Variants in CLVS1 observed in about 807,000 individuals in gnomAD.
The protein encoded by CLVS1 is clavesin 1.
CLVS1 carries 10 observed loss-of-function variants against 33.1 expected under a neutral mutation model. The observed-to-expected ratio is 0.30, with a 90% CI of 0.19 to 0.51. The LOEUF is 0.51. Among genes scored for constraint, CLVS1 ranks in the 20% least tolerant of loss-of-function variants. CLVS1 has a pLI of 0.97. For missense variants in CLVS1, 343 were observed against 433.4 expected (o/e 0.79, Z 1.85); for synonymous variants, 163 against 166.1 (o/e 0.98, Z 0.14).
At chr8:61,157,506 G>C (rs1806673845) in intron 2 of CLVS1, among the ~76,000 whole-genome samples, 1 of 152,060 alleles carries the variant, frequency 6.6e-6, no homozygotes, top group South Asian at 2.1e-4. Flanking sequence ...AAATTTCCTA[G>C]AGAGTACCCA....
At position 61,136,641 on chromosome 8, in the gene CLVS1, C is replaced by G. The variant is rs1483371543; in HGVS notation, c.-152+4781C>G. On this transcript the variant is annotated intron_variant, in intron 2 of 2. Transcript: ENST00000522621. ...ATGTGGGTGCTAAATGATGAGAACA[C>G]ACATGGACACATAGAAGGGAACAAC... 2.0e-5 allele frequency among the ~76,000 whole-genome samples: 3 copies of G among 152,144 alleles called. 1 individual carries two copies. The highest frequency in any genetic ancestry group is 2.0e-4 in the Admixed American group (3 of 15,274).
intron 3 of CLVS1, among the ~76,000 whole-genome samples, chr8:61,448,903 C>T (rs905745726): frequency 1.3e-5 from 2 of 152,094 alleles, no homozygotes; most frequent in Non-Finnish European, 2.9e-5. Context: ...TGGTGTTGTC[C>T]TCTATTGACT....
At chr8:61,282,329 GAGA>G (rs998292048) in intron 2 of CLVS1, among the ~76,000 whole-genome samples, 149 of 152,296 alleles carry the variant, frequency 9.8e-4, no homozygotes, top group Middle Eastern at 3.4e-3. Flanking sequence ...GAGGGAAGAA[GAGA>G]AGAAGAAGCA....
intron 1 of CLVS1, among the ~76,000 whole-genome samples, chr8:61,129,546 G>A (rs1381859731): frequency 6.6e-6 from 1 of 152,188 alleles, no homozygotes. Flanking sequence ...AAACAACAGA[G>A]ATTTATTTAT....
At chr8:61,326,636 C>T (rs545183782) in intron 2 of CLVS1, among the ~76,000 whole-genome samples, 14 of 152,220 alleles carry the variant, frequency 9.2e-5, no homozygotes, top group African/African-American at 3.4e-4. Flanking sequence ...AGGAACATGT[C>T]GCCTGAGATG....
the CLVS1 span, among the ~76,000 whole-genome samples, chr8:60,988,210 A>G: frequency 1.3e-5 from 2 of 152,174 alleles, no homozygotes; most frequent in Admixed American, 6.5e-5. Flanking sequence ...AGAGCTTTTC[A>G]AAAAAGGACC....
the CLVS1 span, among the ~76,000 whole-genome samples, chr8:60,990,625 G>T: frequency 3.3e-5 from 5 of 151,934 alleles, no homozygotes; most frequent in Non-Finnish European, 7.4e-5. Context: ...GAATAGGATA[G>T]ATGAACCATT....
intron 1 of CLVS1, among the ~76,000 whole-genome samples, chr8:61,119,247 A>G (rs1180392380): frequency 6.6e-6 from 1 of 151,712 alleles, no homozygotes; most frequent in Non-Finnish European, 1.5e-5. Flanking sequence ...CCATCCTTTT[A>G]TTTTGAGCCT....
chr8:61,036,746 A>C, the CLVS1 span, among the ~76,000 whole-genome samples: 4 of 152,262 alleles, frequency 2.6e-5, no homozygotes, highest in African/African-American at 9.6e-5. Flanking sequence ...AAATGTGGGC[A>C]ATGGTAGTAG....
chr8:61,071,055 G>T (rs1804788201), intron 1 of CLVS1, among the ~76,000 whole-genome samples: 1 of 152,136 alleles, frequency 6.6e-6, no homozygotes, highest in South Asian at 2.1e-4. Context: ...AGTACGTTTT[G>T]GGCAGATTCT....
chr8:61,278,861 T>A (rs1372176189), intron 2 of CLVS1, among the ~76,000 whole-genome samples: 1 of 152,116 alleles, frequency 6.6e-6, no homozygotes, highest in Non-Finnish European at 1.5e-5. Flanking sequence ...CCTACTCCCA[T>A]GCTCCTGGGG....
intron 2 of CLVS1, among the ~76,000 whole-genome samples, chr8:61,363,128 TA>T (rs536521645): frequency 3.3e-4 from 50 of 152,310 alleles, no homozygotes; most frequent in African/African-American, 1.2e-3. Flanking sequence ...CTTTGGAAAT[TA>T]AACTGCTGAT....
At chr8:61,121,075 G>C in intron 1 of CLVS1, among the ~76,000 whole-genome samples, 1 of 151,938 alleles carries the variant, frequency 6.6e-6, no homozygotes, top group East Asian at 1.9e-4. Context: ...TAATCTCGTG[G>C]TGCGCCGTTT....
chr8:61,332,624 G>C (rs77707488), intron 2 of CLVS1, among the ~76,000 whole-genome samples: 5,243 of 152,138 alleles, frequency 0.034, 282 homozygotes, highest in African/African-American at 0.12. Context: ...TAAATGAAGA[G>C]GAGATAAACT....
At chr8:60,971,120 T>G in the CLVS1 span, among the ~76,000 whole-genome samples, 4 of 140,592 alleles carry the variant, frequency 2.8e-5, no homozygotes, top group Non-Finnish European at 6.1e-5. Context: ...CTGTCACCCA[T>G]GCTGGAGTGC....
At chr8:61,147,596 G>A (rs775737578) in intron 2 of CLVS1, among the ~76,000 whole-genome samples, 1 of 152,132 alleles carries the variant, frequency 6.6e-6, no homozygotes, top group African/African-American at 2.4e-5. Flanking sequence ...CTCTGAAAAT[G>A]TCTCCATATC....
chr8:61,052,327 T>C, upstream of CLVS1, among the ~76,000 whole-genome samples: 1 of 151,976 alleles, frequency 6.6e-6, no homozygotes, highest in East Asian at 1.9e-4. Flanking sequence ...ATGTTTAAAA[T>C]AAAATGAATA....
intron 1 of CLVS1, among the ~76,000 whole-genome samples, chr8:61,081,317 A>G (rs1805016206): frequency 6.6e-6 from 1 of 152,148 alleles, no homozygotes; most frequent in African/African-American, 2.4e-5. Context: ...AATGTACATG[A>G]TTTGGCAATC....
At chr8:61,113,583 C>T (rs1805667247) in intron 1 of CLVS1, among the ~76,000 whole-genome samples, 1 of 152,128 alleles carries the variant, frequency 6.6e-6, no homozygotes, top group Non-Finnish European at 1.5e-5. Context: ...TCCTTCTATG[C>T]AAAAGAGGCA....
Sources: gnomAD v4.1 joint callset for allele counts (sites outside exome capture counted in the v4.1 genomes callset) on GRCh38, gnomAD v4.1.1 for gene constraint, MANE v1.5 for transcripts, NCBI Gene and HGNC (gene_info 2026-07-23, HGNC 2026-07-21) for gene names.